The following ARHGAP24 variants were observed in gnomAD, a reference collection of about 807,000 sequenced individuals.
The protein encoded by ARHGAP24 is Rho GTPase activating protein 24.
ARHGAP24 carries 50 observed loss-of-function variants against 76.4 expected under a neutral mutation model. The ratio of observed to expected loss-of-function variants is 0.65; its 90% CI spans 0.52 to 0.83. The LOEUF (loss-of-function observed/expected upper bound fraction) is 0.83, where lower values mean the gene tolerates loss of function less well. Among genes scored for constraint, ARHGAP24 ranks in the 40% least tolerant of loss-of-function variants. The probability of loss-of-function intolerance (pLI) is 0.00; values close to 1 mark genes in which losing one functional copy is unlikely to be tolerated. For synonymous variants in ARHGAP24, 345 were observed against 323.3 expected (o/e 1.07, Z -0.72); for missense variants, 930 against 914.2 (o/e 1.02, Z -0.22).
chr4:85,910,162 G>A (rs1438956116), intron 3 of ARHGAP24, among the ~76,000 whole-genome samples: 1 of 152,204 alleles, frequency 6.6e-6, no homozygotes, highest in Non-Finnish European at 1.5e-5. Context: ...TCACTGGCTG[G>A]CACCGGGGAA....
At chr4:85,661,789 T>G (rs902120012) in intron 2 of ARHGAP24, among the ~76,000 whole-genome samples, 4 of 152,100 alleles carry the variant, frequency 2.6e-5, no homozygotes, top group Non-Finnish European at 4.4e-5. Context: ...GTCCTTGTGA[T>G]AGTTTACTGA....
At chr4:85,646,708 T>A (rs1721735903) in intron 2 of ARHGAP24, among the ~76,000 whole-genome samples, 1 of 152,122 alleles carries the variant, frequency 6.6e-6, no homozygotes, top group Non-Finnish European at 1.5e-5. Context: ...GCCTTCTACA[T>A]GTACTAGGTT....
intron 1 of ARHGAP24, among the ~76,000 whole-genome samples, chr4:85,513,126 A>G (rs1724348357): frequency 6.6e-6 from 1 of 152,180 alleles, no homozygotes; most frequent in Non-Finnish European, 1.5e-5. Context: ...TAGCTGCTGG[A>G]CCTCCAATTA....
At chr4:85,967,571 G>A (rs1738696094) in intron 5 of ARHGAP24, among the ~76,000 whole-genome samples, 1 of 152,112 alleles carries the variant, frequency 6.6e-6, no homozygotes, top group Admixed American at 6.6e-5. Context: ...CTTATATGTT[G>A]CTCAGTTAAG....
intron 3 of ARHGAP24, among the ~76,000 whole-genome samples, chr4:85,733,314 C>T (rs548177031): frequency 3.3e-5 from 5 of 151,700 alleles, no homozygotes; most frequent in South Asian, 2.1e-4. Flanking sequence ...CCACCTGCCT[C>T]GGCCTCCCAA....
At chr4:85,996,071 G>GAA (rs1342062166) in intron 9 of ARHGAP24, among the ~76,000 whole-genome samples, 2 of 152,156 alleles carry the variant, frequency 1.3e-5, no homozygotes, top group East Asian at 3.9e-4. Context: ...AAAAAAAGTA[G>GAA]AAGTAAATAG....
At chr4:85,873,881 T>C (rs1417791692) in intron 3 of ARHGAP24, among the ~76,000 whole-genome samples, 3 of 152,220 alleles carry the variant, frequency 2.0e-5, no homozygotes, top group Non-Finnish European at 2.9e-5. Context: ...ATGAATAAAA[T>C]AAAATTTGAC....
chr4:85,927,803 G>C (rs755472180), intron 4 of ARHGAP24, among the ~76,000 whole-genome samples: 23 of 152,140 alleles, frequency 1.5e-4, no homozygotes, highest in Non-Finnish European at 3.1e-4. Context: ...AGGCACTGAA[G>C]CTTATCTTTA....
chr4:85,975,777 C>A (rs1033801292), intron 7 of ARHGAP24: 1 of 152,142 alleles, frequency 6.6e-6, no homozygotes, highest in African/African-American at 2.4e-5. Flanking sequence ...TACAGTGCAT[C>A]ATTTATGTGT....
chr4:85,564,772 G>A (rs1057362607), intron 1 of ARHGAP24, among the ~76,000 whole-genome samples: 1 of 150,750 alleles, frequency 6.6e-6, no homozygotes, highest in African/African-American at 2.4e-5. Flanking sequence ...TAATGCCACT[G>A]CTGATCTGAC....
intron 3 of ARHGAP24, among the ~76,000 whole-genome samples, chr4:85,791,855 TG>T (rs1201297075): frequency 6.6e-6 from 1 of 152,208 alleles, no homozygotes; most frequent in Non-Finnish European, 1.5e-5. Context: ...TGATAGGAAA[TG>T]GGAATTTCCC....
At chr4:85,707,512 C>G (rs541878806) in intron 2 of ARHGAP24, among the ~76,000 whole-genome samples, 1 of 152,226 alleles carries the variant, frequency 6.6e-6, no homozygotes, top group East Asian at 1.9e-4. Flanking sequence ...TCATAAAATA[C>G]AAGTTGATTT....
At chr4:85,860,444 C>T (rs1241201098) in intron 3 of ARHGAP24, among the ~76,000 whole-genome samples, 1 of 152,030 alleles carries the variant, frequency 6.6e-6, no homozygotes, top group Non-Finnish European at 1.5e-5. Context: ...TTAAACCTAT[C>T]AGCCCCTTTA....
chr4:85,672,064 A>G (rs907369446), intron 2 of ARHGAP24, among the ~76,000 whole-genome samples: 3 of 152,338 alleles, frequency 2.0e-5, no homozygotes, highest in African/African-American at 7.2e-5. Flanking sequence ...TAAGGAGGAA[A>G]CAGGCTCAGA....
chr4:85,774,461 T>C (rs1471276285), intron 3 of ARHGAP24, among the ~76,000 whole-genome samples: 1 of 152,212 alleles, frequency 6.6e-6, no homozygotes, highest in Non-Finnish European at 1.5e-5. Flanking sequence ...GGGCAACTTC[T>C]TAAAACCACC....
chr4:85,769,765 T>C (rs1017447392), intron 3 of ARHGAP24, among the ~76,000 whole-genome samples: 1 of 152,132 alleles, frequency 6.6e-6, no homozygotes, highest in African/African-American at 2.4e-5. Context: ...TTTTTTGTAT[T>C]TTTAGTAGAG....
At chr4:85,830,403 T>C (rs1729932055) in intron 3 of ARHGAP24, among the ~76,000 whole-genome samples, 1 of 152,230 alleles carries the variant, frequency 6.6e-6, no homozygotes, top group Non-Finnish European at 1.5e-5. Context: ...CTAGCATTTC[T>C]GCTATTCCTA....
At chr4:85,916,732 A>C (rs143217886) in intron 3 of ARHGAP24, among the ~76,000 whole-genome samples, 1 of 152,176 alleles carries the variant, frequency 6.6e-6, no homozygotes, top group African/African-American at 2.4e-5. Context: ...AAATGTCCTC[A>C]GTTCTCTACT....
intron 9 of ARHGAP24, among the ~76,000 whole-genome samples, chr4:85,997,183 C>A (rs2148873264): frequency 6.6e-6 from 1 of 152,042 alleles, no homozygotes; most frequent in Admixed American, 6.5e-5. Flanking sequence ...AAATTTTGAT[C>A]ATTTCTGTTT....
Sources: allele counts gnomAD v4.1 joint callset (sites outside exome capture counted in the v4.1 genomes callset), GRCh38; gene constraint gnomAD v4.1.1; transcripts MANE v1.5; gene names NCBI Gene and HGNC (gene_info 2026-07-23, HGNC 2026-07-21).